The following UGT1A10 variants were observed in gnomAD, a reference collection of about 807,000 sequenced individuals.
UGT1A10 encodes the protein UDP glucuronosyltransferase family 1 member A10, also known as UDP-glucuronosyltransferase 1A10.
Under a neutral mutation model 45.8 loss-of-function variants are expected in UGT1A10, and 49 were observed. The observed-to-expected ratio is 1.07, with a 90% CI of 0.85 to 1.36. The LOEUF is 1.36. UGT1A10 is among the 40% of genes most tolerant of loss of function. UGT1A10 has a pLI of 0.00. For synonymous variants in UGT1A10, 284 were observed against 249.7 expected (o/e 1.14, Z -1.29); for missense variants, 745 against 668.6 (o/e 1.11, Z -1.26).
At chr2:233,656,373 C>T (rs1270720623) in intron 1 of UGT1A10, among the ~76,000 whole-genome samples, 5 of 152,198 alleles carry the variant, frequency 3.3e-5, no homozygotes, top group Non-Finnish European at 5.9e-5. Context: ...CTGAAATCAG[C>T]CTCTTGTCCA....
At position 233,743,716 on chromosome 2, in the gene UGT1A10, G is replaced by A. The variant is rs779950685; in HGVS notation, c.856-23318G>A. ...CGCCCTCCGCCCCCGCCTCGCCATA[G>A]CGGTCATAGATATCGCGTTTCTTGG... On this transcript the variant is annotated intron_variant, in intron 1 of 4. Coordinates refer to ENST00000344644, the MANE Select transcript of UGT1A10 (RefSeq NM_019075.4). 152 of 1,367,230 alleles carry A rather than the reference G, an allele frequency of 1.1e-4. 1 individual carries two copies. The highest frequency in any genetic ancestry group is 6.5e-5 in the Non-Finnish European group (66 of 1,021,862). The allele number at this position is 1,367,230 out of a possible 1,614,324, so 84.7% of individuals were successfully genotyped here.
chr2:233,674,084 A>G (rs976104126), intron 1 of UGT1A10, among the ~76,000 whole-genome samples: 1 of 152,154 alleles, frequency 6.6e-6, no homozygotes, highest in African/African-American at 2.4e-5. Flanking sequence ...TAATCTCAGT[A>G]TATTATTTTG....
At chr2:233,640,375 A>G (rs1170641492) in intron 1 of UGT1A10, among the ~76,000 whole-genome samples, 1 of 152,084 alleles carries the variant, frequency 6.6e-6, no homozygotes, top group African/African-American at 2.4e-5. Context: ...TTGTCATTCC[A>G]TCATTGAATA....
intron 1 of UGT1A10, among the ~76,000 whole-genome samples, chr2:233,637,621 C>T (rs930324373): frequency 6.6e-6 from 1 of 152,008 alleles, no homozygotes; most frequent in Non-Finnish European, 1.5e-5. Flanking sequence ...TTTTAAAATA[C>T]GATGTTTAGA....
chr2:233,693,878 A>C (rs1489546628), intron 1 of UGT1A10: 1 of 1,613,932 alleles, frequency 6.2e-7, no homozygotes. Flanking sequence ...TGGTGGGTTT[A>C]TTTCTTTTGG....
intron 1 of UGT1A10, among the ~76,000 whole-genome samples, chr2:233,765,584 C>A (rs1030389138): frequency 6.6e-6 from 1 of 151,846 alleles, no homozygotes; most frequent in African/African-American, 2.4e-5. Context: ...GGGAGGGGAA[C>A]AACACACACC....
chr2:233,689,907 A>G, intron 1 of UGT1A10: 1 of 456,722 alleles, frequency 2.2e-6, no homozygotes, highest in South Asian at 1.5e-5. Flanking sequence ...AGGGCCAGGT[A>G]GGTGCCTGGA....
intron 1 of UGT1A10, chr2:233,672,340 T>C: frequency 1.2e-6 from 2 of 1,614,168 alleles, no homozygotes; most frequent in Non-Finnish European, 1.7e-6. Flanking sequence ...ATTAGTAGAA[T>C]ACTTAAAGGA....
At chr2:233,640,336 C>A (rs747013851) in intron 1 of UGT1A10, among the ~76,000 whole-genome samples, 1 of 151,938 alleles carries the variant, frequency 6.6e-6, no homozygotes, top group Non-Finnish European at 1.5e-5. Context: ...AACTTTTTGG[C>A]TGTCATTTTT....
intron 1 of UGT1A10, among the ~76,000 whole-genome samples, chr2:233,724,349 A>T (rs1243720800): frequency 1.6e-5 from 2 of 126,414 alleles, no homozygotes; most frequent in Admixed American, 7.8e-5. Flanking sequence ...GACCCCCCCC[A>T]CCTCCCTCCC....
Position 233,673,533 on chromosome 2 carries a change from T to C in UGT1A10, c.855+36156T>C, listed in dbSNP as rs539148752. 2.6e-5 allele frequency among the ~76,000 whole-genome samples: 4 copies of C among 152,280 alleles called. No homozygotes were observed. The East Asian group carries it at 5.8e-4, about 22-fold the overall frequency. ...TACATGTAGGGTTACAGGATTTCCATGAATTGAGAAGGATTGGCATTTTTT... is the reference window on the plus strand; with the variant it reads ...TACATGTAGGGTTACAGGATTTCCACGAATTGAGAAGGATTGGCATTTTTT... On this transcript the variant is annotated intron_variant, in intron 1 of 4. Coordinates refer to ENST00000344644, the MANE Select transcript of UGT1A10 (RefSeq NM_019075.4).
chr2:233,637,031 G>A lies in UGT1A10; in HGVS notation c.509G>A (p.Arg170Lys), dbSNP rs748676624. ...TCCCTCCCCTCTGTGGTCTTCACCA[G>A]GGGAATATTTTGCCACCATCTTGAA... ...YFSLPSVVFTRGIFCHHLEEG... is the reference protein window; with the variant it reads ...YFSLPSVVFTKGIFCHHLEEG... The change falls in exon 1 of 5, where the codon AGG becomes AAG. Residue 170 changes from arginine to lysine, a missense_variant. Physicochemically the swap from Arg to Lys is conservative, Grantham distance 26 (BLOSUM62 2). Coordinates refer to ENST00000344644, the MANE Select transcript of UGT1A10 (RefSeq NM_019075.4). The A allele has an allele frequency of 1.7e-5, 28 of 1,613,870 alleles. No homozygotes were observed. The highest frequency in any genetic ancestry group is 1.8e-5 in the Non-Finnish European group (21 of 1,179,936).
intron 1 of UGT1A10, among the ~76,000 whole-genome samples, chr2:233,720,489 G>C (rs2076863556): frequency 6.6e-6 from 1 of 152,082 alleles, no homozygotes; most frequent in Non-Finnish European, 1.5e-5. Flanking sequence ...TGTCCAAGAA[G>C]GGAAGTGTTT....
intron 1 of UGT1A10, among the ~76,000 whole-genome samples, chr2:233,665,816 G>A (rs767166241): frequency 6.6e-6 from 1 of 152,192 alleles, no homozygotes; most frequent in Non-Finnish European, 1.5e-5. Context: ...TGGAGTAGTT[G>A]TGATCTATGG....
At chr2:233,747,947 G>T in intron 1 of UGT1A10, 1 of 1,613,454 alleles carries the variant, frequency 6.2e-7, no homozygotes, top group Non-Finnish European at 8.5e-7. Flanking sequence ...AGGTGTCAGT[G>T]GTGGATCTTC....
intron 1 of UGT1A10, among the ~76,000 whole-genome samples, chr2:233,721,312 C>T (rs966115699): frequency 1.3e-5 from 2 of 152,056 alleles, no homozygotes; most frequent in Admixed American, 6.5e-5. Context: ...GTGATTGTGG[C>T]TCTTTTCTTG....
At chr2:233,726,156 G>A (rs1332003910) in intron 1 of UGT1A10, among the ~76,000 whole-genome samples, 1 of 152,114 alleles carries the variant, frequency 6.6e-6, no homozygotes, top group Non-Finnish European at 1.5e-5. Context: ...ACAGAGTGAG[G>A]CCCCATTTCA....
At chr2:233,770,636 C>A (rs184236335) in intron 4 of UGT1A10, 1 of 149,556 alleles carries the variant, frequency 6.7e-6, no homozygotes, top group Non-Finnish European at 1.5e-5. Context: ...CCAGCCTGGG[C>A]GACAGAGTGA....
At chr2:233,638,087 G>A (rs975773667) in intron 1 of UGT1A10, among the ~76,000 whole-genome samples, 1 of 152,102 alleles carries the variant, frequency 6.6e-6, no homozygotes, top group Non-Finnish European at 1.5e-5. Context: ...TAGTAGACTA[G>A]AGTCCTACAC....
Sources: gnomAD v4.1 joint callset for allele counts (sites outside exome capture counted in the v4.1 genomes callset) on GRCh38, gnomAD v4.1.1 for gene constraint, MANE v1.5 for transcripts, NCBI Gene and HGNC (gene_info 2026-07-23, HGNC 2026-07-21) for gene names.